SUSD6: variants seen among roughly 807,000 people sequenced by gnomAD.
SUSD6 encodes sushi domain-containing protein 6.
SUSD6 carries 16 observed loss-of-function variants against 28.4 expected under a neutral mutation model. The ratio of observed to expected loss-of-function variants is 0.56; its 90% CI spans 0.38 to 0.86. SUSD6 has a LOEUF of 0.86. Ranked by LOEUF, SUSD6 falls within the 40% of genes least tolerant of loss-of-function variation. The pLI is 0.00. For missense variants in SUSD6, 341 were observed against 384.2 expected (o/e 0.89, Z 0.94); for synonymous variants, 147 against 159.6 (o/e 0.92, Z 0.59).
intron 2 of SUSD6, among the ~76,000 whole-genome samples, chr14:69,659,291 C>T (rs972914543): frequency 6.6e-6 from 1 of 152,204 alleles, no homozygotes; most frequent in African/African-American, 2.4e-5. Context: ...AAGACCCGGT[C>T]ACTGACACTA....
At chr14:69,664,978 G>A (rs1416727168) in intron 2 of SUSD6, among the ~76,000 whole-genome samples, 1 of 152,180 alleles carries the variant, frequency 6.6e-6, no homozygotes, top group Non-Finnish European at 1.5e-5. Context: ...GGAGCCTGCA[G>A]AGGGTGTGAG....
chr14:69,637,733 G>A (rs1201425779), intron 1 of SUSD6, among the ~76,000 whole-genome samples: 1 of 152,186 alleles, frequency 6.6e-6, no homozygotes, highest in East Asian at 1.9e-4. Flanking sequence ...GGAGGGGCAG[G>A]CAAGCACGTG....
chr14:69,619,010 G>A (rs1400351678), intron 1 of SUSD6, among the ~76,000 whole-genome samples: 5 of 152,174 alleles, frequency 3.3e-5, no homozygotes, highest in Non-Finnish European at 7.3e-5. Flanking sequence ...AATGCAAGTG[G>A]GAAATGGATG....
intron 1 of SUSD6, among the ~76,000 whole-genome samples, chr14:69,624,174 A>G (rs1289506692): frequency 2.0e-5 from 3 of 152,204 alleles, no homozygotes; most frequent in Admixed American, 2.0e-4. Context: ...GTATGTTTAG[A>G]TACACAATTA....
chr14:69,675,907 C>A (rs1299741038), intron 2 of SUSD6, among the ~76,000 whole-genome samples: 3 of 152,168 alleles, frequency 2.0e-5, no homozygotes, highest in Non-Finnish European at 4.4e-5. Flanking sequence ...CCATGCCTGG[C>A]TCTGCTTTTT....
intron 3 of SUSD6, chr14:69,703,809 C>T (rs1022988259): frequency 1.7e-6 from 1 of 593,672 alleles, no homozygotes. Context: ...GCCATCTGCC[C>T]TGCTCTGTAA....
chr14:69,650,668 T>A (rs928072257), intron 1 of SUSD6, among the ~76,000 whole-genome samples: 1 of 152,222 alleles, frequency 6.6e-6, no homozygotes, highest in East Asian at 1.9e-4. Flanking sequence ...TCTGGTCTTA[T>A]TTGTTCTCTC....
intron 2 of SUSD6, among the ~76,000 whole-genome samples, chr14:69,661,254 C>A (rs1470294882): frequency 6.6e-6 from 1 of 152,168 alleles, no homozygotes. Context: ...CCCTAACCTC[C>A]CTTTTGTTGG....
chr14:69,622,917 G>A (rs149043550), intron 1 of SUSD6, among the ~76,000 whole-genome samples: 7 of 152,138 alleles, frequency 4.6e-5, no homozygotes, highest in African/African-American at 7.2e-5. Context: ...GTAAGATATC[G>A]CATACTGTCA....
intron 2 of SUSD6, among the ~76,000 whole-genome samples, chr14:69,701,631 G>A (rs995479084): frequency 1.3e-5 from 2 of 152,100 alleles, no homozygotes; most frequent in Non-Finnish European, 1.5e-5. Context: ...GAGTGTTTGC[G>A]TTTTTCTTTC....
intron 2 of SUSD6, among the ~76,000 whole-genome samples, chr14:69,701,446 A>T (rs1348123727): frequency 1.3e-5 from 2 of 152,194 alleles, no homozygotes; most frequent in Non-Finnish European, 2.9e-5. Flanking sequence ...GAAATGAACC[A>T]ATTAGACACA....
At chr14:69,671,395 G>A (rs1199723021) in intron 2 of SUSD6, among the ~76,000 whole-genome samples, 2 of 152,162 alleles carry the variant, frequency 1.3e-5, no homozygotes, top group Non-Finnish European at 2.9e-5. Flanking sequence ...CTTCTGGTCC[G>A]AGGGAAGAGG....
At chr14:69,661,633 A>G (rs1303974811) in intron 2 of SUSD6, among the ~76,000 whole-genome samples, 1 of 152,134 alleles carries the variant, frequency 6.6e-6, no homozygotes, top group Admixed American at 6.5e-5. Flanking sequence ...CTAGGGGAGT[A>G]GGTGCCCTTT....
At chr14:69,671,074 C>T (rs1885824610) in intron 2 of SUSD6, among the ~76,000 whole-genome samples, 1 of 152,194 alleles carries the variant, frequency 6.6e-6, no homozygotes, top group African/African-American at 2.4e-5. Context: ...AGGAAGCACC[C>T]AGATAGGACT....
chr14:69,640,070 A>G (rs1885329517), intron 1 of SUSD6, among the ~76,000 whole-genome samples: 1 of 133,942 alleles, frequency 7.5e-6, no homozygotes, highest in Non-Finnish European at 1.5e-5. Context: ...TTTATAGTTT[A>G]GTGGGGGAGG....
intron 1 of SUSD6, among the ~76,000 whole-genome samples, chr14:69,641,966 C>T (rs1885359919): frequency 6.6e-6 from 1 of 152,156 alleles, no homozygotes; most frequent in Non-Finnish European, 1.5e-5. Flanking sequence ...TCTTCTTGAA[C>T]ACATGGAGTA....
intron 2 of SUSD6, among the ~76,000 whole-genome samples, chr14:69,665,960 C>T (rs1885733769): frequency 6.6e-6 from 1 of 152,202 alleles, no homozygotes; most frequent in Non-Finnish European, 1.5e-5. Flanking sequence ...GCATTTGGAA[C>T]ATTGCTCGGT....
chr14:69,650,241 T>G (rs568748412), intron 1 of SUSD6, among the ~76,000 whole-genome samples: 12 of 152,278 alleles, frequency 7.9e-5, no homozygotes, highest in African/African-American at 2.6e-4. Context: ...TCACGGCCTG[T>G]TAGAACAGGA....
At chr14:69,655,142 G>A (rs540557261) in intron 1 of SUSD6, among the ~76,000 whole-genome samples, 2 of 149,152 alleles carry the variant, frequency 1.3e-5, no homozygotes, top group South Asian at 2.1e-4. Flanking sequence ...CGTGCTTATA[G>A]GGGTGTGTGT....
Sources: gnomAD v4.1 joint callset for allele counts (sites outside exome capture counted in the v4.1 genomes callset) on GRCh38, gnomAD v4.1.1 for gene constraint, MANE v1.5 for transcripts, NCBI Gene and HGNC (gene_info 2026-07-23, HGNC 2026-07-21) for gene names.